RIC1: variants seen among roughly 807,000 people sequenced by gnomAD.
RIC1 encodes RIC1 partner of RAB6A GEF complex.
In RIC1, 88 loss-of-function variants were observed where a neutral mutation model predicts 169.0. That is an observed-to-expected ratio of 0.52 (90% CI 0.44 to 0.62). The LOEUF (loss-of-function observed/expected upper bound fraction) is 0.62. RIC1 is among the 20% of genes least tolerant of loss of function. The pLI, the probability that RIC1 is intolerant of heterozygous loss-of-function variation, is 0.00. For synonymous variants in RIC1, 790 were observed against 601.5 expected (o/e 1.31, Z -4.59); for missense variants, 1,877 against 1,725.5 (o/e 1.09, Z -1.56).
rs778036440 is a variant in RIC1, at chr9:5,713,953, A to G, written c.390A>G (p.Ala130=). The G allele has an allele frequency of 1.9e-6, 3 of 1,613,342 alleles. No individual in the cohort carries two copies. Among genetic ancestry groups the G allele is most frequent in the Middle Eastern group, 1.7e-4 (1 of 6,054 alleles). ...TTAAGGAAGAACAGTGTGCTCCAGC[A>G]TTAAATTTGGAGATGAGGAAAATAC... ...PHFKEEQCAP[A]LNLEMRKILD... The change falls in exon 4 of 26, where the codon GCA becomes GCG. Residue 130 remains alanine (A), a synonymous_variant. Coordinates refer to ENST00000414202, the MANE Select transcript of RIC1 (RefSeq NM_020829.4).
intron 2 of RIC1, among the ~76,000 whole-genome samples, chr9:5,682,046 G>T (rs567264371): frequency 3.9e-5 from 6 of 152,090 alleles, no homozygotes; most frequent in Non-Finnish European, 7.3e-5. Context: ...TTGAGCCTAT[G>T]TGTGTCTCTG....
chr9:5,651,467 T>G (rs977280828), intron 1 of RIC1, among the ~76,000 whole-genome samples: 13 of 152,174 alleles, frequency 8.5e-5, no homozygotes, highest in Admixed American at 8.5e-4. Flanking sequence ...ATCCAAAAAA[T>G]TCCTTGCTCA....
At chr9:5,676,813 T>A (rs1006600988) in intron 2 of RIC1, among the ~76,000 whole-genome samples, 2 of 152,232 alleles carry the variant, frequency 1.3e-5, no homozygotes, top group South Asian at 4.1e-4. Context: ...TGTATACTTA[T>A]TTTTTCTAGT....
At chr9:5,759,396 G>T (rs929835771) in intron 17 of RIC1, among the ~76,000 whole-genome samples, 1 of 152,182 alleles carries the variant, frequency 6.6e-6, no homozygotes, top group Non-Finnish European at 1.5e-5. Flanking sequence ...AAGACATTCT[G>T]TTGGACAGCT....
intron 7 of RIC1, 97 bp from the exon 8 acceptor site, chr9:5,738,352 GT>G (rs1052954946): frequency 1.3e-6 from 1 of 786,518 alleles, no homozygotes; most frequent in African/African-American, 1.8e-5. Context: ...TTTTGTTCTA[GT>G]TTACACTCCC....
At chr9:5,642,104 C>T (rs574975264) in intron 1 of RIC1, among the ~76,000 whole-genome samples, 1 of 144,946 alleles carries the variant, frequency 6.9e-6, no homozygotes, top group South Asian at 2.1e-4. Context: ...GGACTTGGGC[C>T]CCAAGCCCAA....
chr9:5,727,374 G>A (rs1211347707), intron 6 of RIC1, among the ~76,000 whole-genome samples: 1 of 152,198 alleles, frequency 6.6e-6, no homozygotes, highest in Non-Finnish European at 1.5e-5. Flanking sequence ...TCGTGCGATG[G>A]TTTTCAGCTC....
rs1197266253 is a variant in RIC1 at position 5,773,938 on chromosome 9, TG to T, written c.3984-19del. On this transcript the variant is annotated intron_variant, in intron 25 of 25. Coordinates refer to ENST00000414202, the MANE Select transcript of RIC1 (RefSeq NM_020829.4). ...TTTTGAATTATGGCAGATGAGCTAATGTTTTTTTTCTCTACATAGTCCTGGA... is the reference window on the plus strand; with the variant it reads ...TTTTGAATTATGGCAGATGAGCTAATTTTTTTTTCTCTACATAGTCCTGGA... The T allele has an allele frequency of 1.9e-6, 3 of 1,541,826 alleles. No individual in the cohort carries two copies. Among genetic ancestry groups the T allele is most frequent in the East Asian group, 4.5e-5 (2 of 44,278 alleles).
chr9:5,756,156 G>A, intron 15 of RIC1, 56 bp from the exon 16 acceptor site: 2 of 1,143,918 alleles, frequency 1.7e-6, no homozygotes, highest in Non-Finnish European at 2.3e-6. Flanking sequence ...AAAGTATTTG[G>A]TCATCCCTAG....
intron 2 of RIC1, among the ~76,000 whole-genome samples, chr9:5,683,888 C>A (rs1300991982): frequency 6.6e-6 from 1 of 152,130 alleles, no homozygotes; most frequent in Non-Finnish European, 1.5e-5. Context: ...GCAGTTTGAT[C>A]TCAGACTGCT....
At chr9:5,723,085 C>G (rs1245103498) in intron 6 of RIC1, among the ~76,000 whole-genome samples, 2 of 152,226 alleles carry the variant, frequency 1.3e-5, no homozygotes, top group African/African-American at 4.8e-5. Context: ...AATGGGATGG[C>G]TGGATCAAAT....
intron 6 of RIC1, among the ~76,000 whole-genome samples, chr9:5,730,687 G>A (rs770058572): frequency 1.3e-5 from 2 of 152,092 alleles, no homozygotes; most frequent in African/African-American, 2.4e-5. Flanking sequence ...CTTGGCCTGA[G>A]TAGCAATTCC....
At chr9:5,688,725 A>C (rs770060944) in intron 2 of RIC1, among the ~76,000 whole-genome samples, 2 of 152,192 alleles carry the variant, frequency 1.3e-5, no homozygotes, top group African/African-American at 4.8e-5. Context: ...TTTCTTGGTC[A>C]TTCCTTTGAA....
intron 3 of RIC1, among the ~76,000 whole-genome samples, chr9:5,708,815 T>G (rs1822755313): frequency 6.6e-6 from 1 of 152,156 alleles, no homozygotes; most frequent in Non-Finnish European, 1.5e-5. Context: ...GATTTCTTCA[T>G]ATATTCTCTT....
chr9:5,651,111 C>A (rs1041582270), intron 1 of RIC1, among the ~76,000 whole-genome samples: 1 of 152,186 alleles, frequency 6.6e-6, no homozygotes, highest in Non-Finnish European at 1.5e-5. Flanking sequence ...CTATGCTAGT[C>A]TCTGGACCCC....
At chr9:5,764,704 A>G (rs557917735) in intron 19 of RIC1, among the ~76,000 whole-genome samples, 4 of 152,342 alleles carry the variant, frequency 2.6e-5, no homozygotes, top group African/African-American at 7.2e-5. Context: ...AACCCTAAAG[A>G]AAAAGACATA....
At chr9:5,738,142 A>T (rs1824844471) in intron 7 of RIC1, among the ~76,000 whole-genome samples, 1 of 152,208 alleles carries the variant, frequency 6.6e-6, no homozygotes, top group Non-Finnish European at 1.5e-5. Flanking sequence ...ATAGCCAAAT[A>T]AAAGTTCATT....
intron 3 of RIC1, among the ~76,000 whole-genome samples, chr9:5,710,486 T>G (rs891871423): frequency 6.6e-6 from 1 of 152,140 alleles, no homozygotes; most frequent in Non-Finnish European, 1.5e-5. Context: ...TACTAGTATT[T>G]GAAGACCTCA....
intron 18 of RIC1, 96 bp downstream of exon 18, chr9:5,762,756 T>A: frequency 7.0e-7 from 1 of 1,428,772 alleles, no homozygotes; most frequent in Non-Finnish European, 9.4e-7. Context: ...ATTTTATGAT[T>A]TGGAAAGGAG....
Sources: gnomAD v4.1 joint callset for allele counts (sites outside exome capture counted in the v4.1 genomes callset) on GRCh38, gnomAD v4.1.1 for gene constraint, MANE v1.5 for transcripts, NCBI Gene and HGNC (gene_info 2026-07-23, HGNC 2026-07-21) for gene names.